LRRC14B: variants seen among roughly 807,000 people sequenced by gnomAD.
The protein encoded by LRRC14B is leucine rich repeat containing 14B, also known as leucine-rich repeat-containing protein 14B.
A neutral mutation model predicts 16.9 loss-of-function variants in LRRC14B; 23 were observed. The ratio of observed to expected loss-of-function variants is 1.36; its 90% confidence interval spans 0.98 to 1.92. The LOEUF (loss-of-function observed/expected upper bound fraction) is 1.92. Among genes scored for constraint, LRRC14B ranks in the 30% most tolerant of loss-of-function variants. The pLI is 0.00. For missense variants in LRRC14B, 766 were observed against 705.7 expected, an observed-to-expected ratio of 1.09 and a Z score of -0.97; for synonymous variants, 358 against 332.5, an observed-to-expected ratio of 1.08 and a Z score of -0.83.
At position 191,972 on chromosome 5, in the gene LRRC14B, T is replaced by C; in HGVS notation, c.434T>C (p.Leu145Pro). The change falls in exon 1 of 2, where the codon CTG (leucine) becomes CCG (proline). Residue 145 changes from leucine (L) to proline (P), a missense_variant. Leu to Pro is a moderately conservative substitution (Grantham distance 98). Transcript: ENST00000328278. ...CTGCTGGCCAGGACCTGCTGTGAGC[T>C]GCAGGCAGAGCCCCTCGCAGCCGGG... ...TQLLARTCCE[L>P]QAEPLAAGRP... The C allele has an allele frequency of 6.5e-7, 1 of 1,530,614 alleles. No individual in the cohort carries two copies. The highest frequency in any genetic ancestry group is 8.7e-7 in the Non-Finnish European group (1 of 1,144,220). The allele number at this position is 1,530,614 out of a possible 1,614,324, so 94.8% of individuals were successfully genotyped here.
intron 1 of LRRC14B, among the ~76,000 whole-genome samples, chr5:193,297 C>T (rs1279738921): frequency 7.4e-6 from 1 of 135,616 alleles, no homozygotes; most frequent in African/African-American, 2.9e-5. Flanking sequence ...GTCCGGGGGG[C>T]ACCCAGTTTT....
chr5:194,702 C>T lies in LRRC14B; in HGVS notation c.900-6C>T. On this transcript the variant is annotated splice_polypyrimidine_tract_variant and splice_region_variant and intron_variant, in intron 1 of 1. Coordinates refer to ENST00000328278, the MANE Select transcript of LRRC14B (RefSeq NM_001080478.3). ...TCACCTGTGCTCTTTCCCCCGTGTC[C>T]TGCAGCCCCCTACAGACCCCGCTGC... 4 of 1,594,096 alleles carry T rather than the reference C, an allele frequency of 2.5e-6. No individual in the cohort carries two copies. Among genetic ancestry groups the T allele is most frequent in the Non-Finnish European group, 3.4e-6 (4 of 1,169,324 alleles).
Position 195,086 on chromosome 5 carries a change from C to T in LRRC14B, c.1278C>T (p.Pro426=), listed in dbSNP as rs202228898. 427 of 1,613,880 alleles carry T rather than the reference C, an allele frequency of 2.6e-4. No individual in the cohort carries two copies. The African/African-American group carries it at 4.9e-3, about 19-fold the overall frequency. The change falls in exon 2 of 2, where the codon CCC becomes CCT. Residue 426 remains proline, a synonymous_variant. Coordinates refer to ENST00000328278, the MANE Select transcript of LRRC14B (RefSeq NM_001080478.3). ...TGCGCTGCATTGAGTTCCCGGTGCC[C>T]AAGGACTGCTACCCCGAGGGTGCCG... ...PELRCIEFPV[P]KDCYPEGAAY... is the part of the protein sequence containing the mutation.
intron 1 of LRRC14B, among the ~76,000 whole-genome samples, chr5:194,302 G>T (rs1357542589): frequency 6.9e-6 from 1 of 145,636 alleles, no homozygotes; most frequent in East Asian, 2.0e-4. Flanking sequence ...ACGTTCTCGT[G>T]GTCACATGCA....
In LRRC14B at chr5:195,444, C is replaced by A; in HGVS notation, c.*91C>A. On this transcript the variant is annotated 3_prime_UTR_variant, in exon 2 of 2. Transcript: ENST00000328278. ...GGATCTGAGGCTTGGGCCCGGCATT[C>A]ATCCCCACCACCACCACCACCAAAA... The A allele has an allele frequency of 8.6e-7, 1 of 1,165,158 alleles. No homozygotes were observed. The highest frequency in any genetic ancestry group is 1.2e-6 in the Non-Finnish European group (1 of 833,514). 72.2% of individuals were successfully genotyped at this position (1,165,158 alleles called of 1,614,324 possible).
chr5:194,959 T>G lies in LRRC14B; in HGVS notation c.1151T>G (p.Leu384Arg). The change falls in exon 2 of 2, where the codon CTG (leucine) becomes CGG (arginine). Residue 384 changes from leucine to arginine, a missense_variant. Transcript: ENST00000328278. ...DSHVGMLILG[L>R]SPCHRLRQLK... ...CACGTTGGCATGCTGATCCTGGGCCTGAGCCCCTGCCACCGGCTGCGCCAG... is the reference window on the plus strand; with the variant it reads ...CACGTTGGCATGCTGATCCTGGGCCGGAGCCCCTGCCACCGGCTGCGCCAG... 6.2e-7 allele frequency: 1 copy of G among 1,613,580 alleles called. No homozygotes were observed. Among genetic ancestry groups the G allele is most frequent in the Non-Finnish European group, 8.5e-7 (1 of 1,179,798 alleles).
rs1242954651 is a variant in LRRC14B, at chr5:196,175, CG to C, written c.*825del. 6.6e-6 allele frequency: 1 copy of C among 152,152 alleles called. No individual in the cohort carries two copies. The highest frequency in any genetic ancestry group is 1.5e-5 in the Non-Finnish European group (1 of 68,044). 9.4% of individuals were successfully genotyped at this position (152,152 alleles called of 1,614,324 possible). On this transcript the variant is annotated 3_prime_UTR_variant, in exon 2 of 2. Transcript: ENST00000328278. ...AGGCTTAGACTGACGGGAGCTATTC[CG>C]GGTGTTTAATTGAAGGTCTAGCACT...
chr5:191,648 T>C lies in LRRC14B; in HGVS notation c.110T>C (p.Leu37Pro). The C allele has an allele frequency of 6.2e-7, 1 of 1,609,198 alleles. No homozygotes were observed. The highest frequency in any genetic ancestry group is 8.5e-7 in the Non-Finnish European group (1 of 1,178,260). The change falls in exon 1 of 2, where the codon CTG (leucine) becomes CCG (proline). Residue 37 changes from leucine to proline, a missense_variant. Coordinates refer to ENST00000328278, the MANE Select transcript of LRRC14B (RefSeq NM_001080478.3). Reference protein sequence around the residue: ...DSVAHNLYPLLFKASYLLEQA... With the variant: ...DSVAHNLYPLPFKASYLLEQA... Reference sequence around the variant, plus strand: ...GTGGCCCACAACCTCTACCCACTCCTGTTCAAAGCCAGCTACCTGCTGGAG... The same window carrying C: ...GTGGCCCACAACCTCTACCCACTCCCGTTCAAAGCCAGCTACCTGCTGGAG...
Position 195,128 on chromosome 5 carries a change from G to T in LRRC14B, c.1320G>T (p.Glu440Asp). ...AGGGTGCCGCCTACCCACAGGACGA[G>T]CTGGCCATGTCCAAGTTCAACCAGC... ...YPEGAAYPQD[E>D]LAMSKFNQQK... is the part of the protein sequence containing the mutation. The change falls in exon 2 of 2, where the codon GAG (glutamate) becomes GAT (aspartate). Residue 440 changes from glutamate to aspartate, a missense_variant. Physicochemically the swap from Glu to Asp is conservative, Grantham distance 45. Transcript: ENST00000328278. The T allele has an allele frequency of 6.2e-7, 1 of 1,613,976 alleles. No homozygotes were observed. The highest frequency in any genetic ancestry group is 1.3e-5 in the African/African-American group (1 of 75,062).
At position 192,230 on chromosome 5, in the gene LRRC14B, A is replaced by G. The variant is rs1286503951; in HGVS notation, c.692A>G (p.Gln231Arg). 1 of 1,595,890 alleles carries G rather than the reference A, an allele frequency of 6.3e-7. No individual in the cohort carries two copies. Among genetic ancestry groups the G allele is most frequent in the East Asian group, 2.3e-5 (1 of 43,732 alleles). ...CGGCTGCATGCGGGCCACGTGCAGCAGCTTCTGGCCCAGGTGGGCTTCCCC... is the reference window on the plus strand; with the variant it reads ...CGGCTGCATGCGGGCCACGTGCAGCGGCTTCTGGCCCAGGTGGGCTTCCCC... ...NVRLHAGHVQ[Q>R]LLAQVGFPRL... Residue 231 changes from glutamine (Q) to arginine (R), a missense_variant, in exon 1 of 2, where the codon CAG becomes CGG. Gln to Arg is a conservative substitution (Grantham distance 43). Transcript: ENST00000328278.
chr5:192,011 T>C lies in LRRC14B; in HGVS notation c.473T>C (p.Val158Ala), dbSNP rs1202537465. The change falls in exon 1 of 2, where the codon GTC becomes GCC. Residue 158 changes from valine to alanine, a missense_variant. Physicochemically the swap from Val to Ala is moderately conservative, Grantham distance 64. Transcript: ENST00000328278. ...EPLAAGRPVEVLADLFVTEGN... is the reference protein window; with the variant it reads ...EPLAAGRPVEALADLFVTEGN... Reference sequence around the variant, plus strand: ...CTCGCAGCCGGGCGCCCCGTCGAGGTCCTCGCCGACCTCTTCGTCACTGAG... The same window carrying C: ...CTCGCAGCCGGGCGCCCCGTCGAGGCCCTCGCCGACCTCTTCGTCACTGAG... The C allele has an allele frequency of 1.3e-6, 2 of 1,535,064 alleles. No individual in the cohort carries two copies. Among genetic ancestry groups the C allele is most frequent in the Non-Finnish European group, 1.7e-6 (2 of 1,146,346 alleles).
Position 195,197 on chromosome 5 carries a change from G to A in LRRC14B, c.1389G>A (p.Leu463=). The A allele has an allele frequency of 2.5e-6, 4 of 1,613,898 alleles. No individual in the cohort carries two copies. Among genetic ancestry groups the A allele is most frequent in the Non-Finnish European group, 3.4e-6 (4 of 1,179,906 alleles). ...CCGAGGAGCTGCGTGCCGTGCTGCT[G>A]CGGGCTGACCGAGAGGACATCCAAG... ...EIAEELRAVL[L]RADREDIQVS... The change falls in exon 2 of 2, where the codon CTG becomes CTA. Residue 463 remains leucine (L), a synonymous_variant. Coordinates refer to ENST00000328278, the MANE Select transcript of LRRC14B (RefSeq NM_001080478.3).
At position 191,855 on chromosome 5, in the gene LRRC14B, G is replaced by C. The variant is rs780699097; in HGVS notation, c.317G>C (p.Arg106Pro). 6.6e-7 allele frequency: 1 copy of C among 1,524,410 alleles called. No homozygotes were observed. The highest frequency in any genetic ancestry group is 2.0e-5 in the Admixed American group (1 of 49,928). 94.4% of individuals were successfully genotyped at this position (1,524,410 alleles called of 1,614,324 possible). Residue 106 changes from arginine (R) to proline (P), a missense_variant, in exon 1 of 2, where the codon CGG (arginine) becomes CCG (proline). Transcript: ENST00000328278. The stretch of plus-strand genomic sequence containing the variant: ...GTGCTGCAGGACCGGAGCCGCCGGC[G>C]GCTGCGGGTGGCTGACCTCACGGGC... Reference protein sequence around the residue: ...DHVLQDRSRRRLRVADLTGIR... With the variant: ...DHVLQDRSRRPLRVADLTGIR...
Position 195,236 on chromosome 5 carries a change from C to G in LRRC14B, c.1428C>G (p.Leu476=). Residue 476 remains leucine (L), a synonymous_variant, in exon 2 of 2, where the codon CTC becomes CTG. Coordinates refer to ENST00000328278, the MANE Select transcript of LRRC14B (RefSeq NM_001080478.3). ...AGGACATCCAAGTCTCCACACCTCTCTTTGGAAGTTTTGACCCAGACATTC... is the reference window on the plus strand; with the variant it reads ...AGGACATCCAAGTCTCCACACCTCTGTTTGGAAGTTTTGACCCAGACATTC... The part of the protein sequence containing the change: ...DREDIQVSTP[L]FGSFDPDIQE... 6.2e-7 allele frequency: 1 copy of G among 1,613,580 alleles called. No individual in the cohort carries two copies. Among genetic ancestry groups the G allele is most frequent in the Non-Finnish European group, 8.5e-7 (1 of 1,179,896 alleles).
Position 192,112 on chromosome 5 carries a change from CG to C in LRRC14B, c.577del (p.Ala193ArgfsTer4). ...APLRVHCPSFRADSLSPSQLL... is the reference protein window; with the variant it reads ...APLRVHCPSFXADSLSPSQLL... ...TCTGCGGGTGCACTGCCCCTCGTTCCGGGCGGACAGCCTGAGCCCCAGCCAG... is the reference window on the plus strand; with the variant it reads ...TCTGCGGGTGCACTGCCCCTCGTTCCGGCGGACAGCCTGAGCCCCAGCCAG... On this transcript the variant is annotated frameshift_variant, in exon 1 of 2. Transcript: ENST00000328278. LOFTEE classifies it high-confidence loss of function. The C allele has an allele frequency of 6.4e-7, 1 of 1,564,488 alleles. No homozygotes were observed. Among genetic ancestry groups the C allele is most frequent in the Non-Finnish European group, 8.6e-7 (1 of 1,157,610 alleles).
In LRRC14B at chr5:192,324, C is replaced by A. The variant is rs369014987; in HGVS notation, c.786C>A (p.Asp262Glu). 17 of 1,598,486 alleles carry A rather than the reference C, an allele frequency of 1.1e-5. No homozygotes were observed. The highest frequency in any genetic ancestry group is 1.4e-5 in the Non-Finnish European group (17 of 1,173,784). ...DAPPTYASTP[D>E]GEDPLLASIA... ...CCCCCACCTACGCCTCCACTCCCGA[C>A]GGCGAGGACCCCCTCCTCGCCTCCA... The change falls in exon 1 of 2, where the codon GAC becomes GAA. Residue 262 changes from aspartate to glutamate, a missense_variant. By Grantham distance (45) the Asp-to-Glu change is conservative. Transcript: ENST00000328278.
In LRRC14B at chr5:194,674, C is replaced by T. The variant is rs569566990; in HGVS notation, c.900-34C>T. ...CCCTCGGCTCCTTCCTGGGACCCTC[C>T]TCTCACCTGTGCTCTTTCCCCCGTG... On this transcript the variant is annotated intron_variant, in intron 1 of 1. Coordinates refer to ENST00000328278, the MANE Select transcript of LRRC14B (RefSeq NM_001080478.3). 176 of 1,558,366 alleles carry T rather than the reference C, an allele frequency of 1.1e-4. 4 individuals are homozygous for T. In the South Asian group the frequency reaches 2.0e-3, roughly 18 times the overall value.
Position 195,631 on chromosome 5 carries a change from C to T in LRRC14B, c.*278C>T. On this transcript the variant is annotated 3_prime_UTR_variant, in exon 2 of 2. Transcript: ENST00000328278. ...TGACAGGGTCAGCGGGGGCAGACGC[C>T]ACATGGCAAAGAGCAGAGAAGCCCG... is the stretch of plus-strand genomic sequence containing the variant. The T allele has an allele frequency of 6.4e-6, 3 of 470,306 alleles. No individual in the cohort carries two copies. The allele number at this position is 470,306 out of a possible 1,614,324, so 29.1% of individuals were successfully genotyped here.
intron 1 of LRRC14B, among the ~76,000 whole-genome samples, chr5:193,805 C>A (rs1254089611): frequency 2.0e-5 from 3 of 152,008 alleles, no homozygotes; most frequent in African/African-American, 7.2e-5. Flanking sequence ...CAGGTGGGTG[C>A]AGGTGCAGGT....
Sources: gnomAD v4.1 joint callset for allele counts (sites outside exome capture counted in the v4.1 genomes callset) on GRCh38, gnomAD v4.1.1 for gene constraint, MANE v1.5 for transcripts, NCBI Gene and HGNC (gene_info 2026-07-23, HGNC 2026-07-21) for gene names.